KCNN2: variants seen among roughly 807,000 people sequenced by gnomAD.
KCNN2 encodes the protein potassium calcium-activated channel subfamily N member 2.
In KCNN2, 24 loss-of-function variants were observed where a neutral mutation model predicts 55.5. The observed-to-expected ratio is 0.43, with a 90% CI of 0.31 to 0.61. The LOEUF (loss-of-function observed/expected upper bound fraction) is 0.61, where lower values mean the gene tolerates loss of function less well. KCNN2 is among the 20% of genes least tolerant of loss of function. The pLI, the probability that KCNN2 is intolerant of heterozygous loss-of-function variation, is 0.08. For missense variants in KCNN2, 754 were observed against 853.6 expected (o/e 0.88, Z 1.45); for synonymous variants, 431 against 336.1 (o/e 1.28, Z -3.09).
At chr5:114,286,551 G>A (rs1280920829) in intron 2 of KCNN2, among the ~76,000 whole-genome samples, 1 of 152,138 alleles carries the variant, frequency 6.6e-6, no homozygotes, top group African/African-American at 2.4e-5. Flanking sequence ...TGGGACCAGT[G>A]CAAGAACAGT....
intron 2 of KCNN2, among the ~76,000 whole-genome samples, chr5:114,239,613 G>T (rs988170214): frequency 6.6e-6 from 1 of 151,880 alleles, no homozygotes; most frequent in Non-Finnish European, 1.5e-5. Context: ...GTCGTTTTTT[G>T]TTTTCAACTA....
At chr5:114,357,735 T>C (rs1197857291), upstream of KCNN2, among the ~76,000 whole-genome samples, 38 of 137,804 alleles carry the variant, frequency 2.8e-4, no homozygotes, top group African/African-American at 9.9e-4. Context: ...GTCTTTGCTA[T>C]TGTGAATAAT....
In KCNN2 at chr5:114,288,099, G is replaced by A. The variant is rs977826795; in HGVS notation, c.-185+66534G>A. Among the ~76,000 whole-genome samples, 6 of 152,224 alleles carry A rather than the reference G, an allele frequency of 3.9e-5. No individual in the cohort carries two copies. The East Asian group carries it at 5.8e-4, about 15-fold the overall frequency. On this transcript the variant is annotated intron_variant, in intron 2 of 10. Transcript: ENST00000512097. ...TTTCATACAAATGATGTTATACAAC[G>A]TGTGCTCTTTTGTGTCTGGCTTCCA...
At chr5:114,331,229 G>C (rs1756816634) in intron 2 of KCNN2, among the ~76,000 whole-genome samples, 1 of 152,202 alleles carries the variant, frequency 6.6e-6, no homozygotes, top group Non-Finnish European at 1.5e-5. Flanking sequence ...GAATGAAAGG[G>C]AAGTTTGAGA....
chr5:114,311,977 G>A (rs1312068245), intron 2 of KCNN2, among the ~76,000 whole-genome samples: 1 of 152,052 alleles, frequency 6.6e-6, no homozygotes, highest in Non-Finnish European at 1.5e-5. Context: ...TATTAATATG[G>A]AAAGAAAATC....
chr5:114,278,450 G>A (rs552516807), intron 2 of KCNN2, among the ~76,000 whole-genome samples: 4 of 152,328 alleles, frequency 2.6e-5, no homozygotes, highest in African/African-American at 9.6e-5. Context: ...ATGCCCTGCC[G>A]CCAGAGGTTG....
At chr5:114,366,748 T>A (rs1373754074) in intron 2 of KCNN2, among the ~76,000 whole-genome samples, 1 of 152,218 alleles carries the variant, frequency 6.6e-6, no homozygotes, top group Non-Finnish European at 1.5e-5. Context: ...TGGGTATATA[T>A]GTTTTTTCAT....
intron 1 of KCNN2, among the ~76,000 whole-genome samples, chr5:114,115,153 G>A (rs1466485119): frequency 1.3e-5 from 2 of 152,104 alleles, no homozygotes; most frequent in Admixed American, 6.5e-5. Context: ...AGTTCACTAA[G>A]CCTAGTGATT....
chr5:114,271,937 A>T (rs751185230), intron 2 of KCNN2, among the ~76,000 whole-genome samples: 17 of 152,314 alleles, frequency 1.1e-4, no homozygotes, highest in Non-Finnish European at 2.2e-4. Context: ...GCTAATGAGG[A>T]GTACATGAAT....
At chr5:114,222,327 C>A (rs1313428662) in intron 2 of KCNN2, among the ~76,000 whole-genome samples, 1 of 152,142 alleles carries the variant, frequency 6.6e-6, no homozygotes, top group African/African-American at 2.4e-5. Context: ...ATACCAAAGG[C>A]AGCCTCAAAG....
intron 1 of KCNN2, among the ~76,000 whole-genome samples, chr5:114,136,092 G>A (rs1752168388): frequency 6.6e-6 from 1 of 152,088 alleles, no homozygotes; most frequent in Non-Finnish European, 1.5e-5. Flanking sequence ...AAAAATAGAT[G>A]AAAATAGACT....
Position 114,130,305 on chromosome 5 carries a change from T to C in KCNN2, c.-271+73805T>C, listed in dbSNP as rs187625155. 4.3e-4 allele frequency among the ~76,000 whole-genome samples: 65 copies of C among 152,342 alleles called. 1 individual carries two copies. Among genetic ancestry groups the C allele is most frequent in the African/African-American group, 1.5e-3 (64 of 41,584 alleles). ...ATATTTCTCTAAGAGTAGGATGGTATATTTTCCTTAGCTTGCTTTCCAGTT... is the reference window on the plus strand; with the variant it reads ...ATATTTCTCTAAGAGTAGGATGGTACATTTTCCTTAGCTTGCTTTCCAGTT... On this transcript the variant is annotated intron_variant, in intron 1 of 10. Coordinates refer to the KCNN2 transcript ENST00000512097.
intron 2 of KCNN2, among the ~76,000 whole-genome samples, chr5:114,277,929 T>C (rs569997035): frequency 6.6e-6 from 1 of 152,350 alleles, no homozygotes; most frequent in South Asian, 2.1e-4. Flanking sequence ...TTCTGGTTTT[T>C]GGAATTTTCA....
rs762032728 is a variant in KCNN2 at position 114,463,154 on chromosome 5, C to T, written c.1743C>T (p.Tyr581=). The T allele has an allele frequency of 1.1e-5, 17 of 1,613,168 alleles. No individual in the cohort carries two copies. The South Asian group carries it at 1.9e-4, about 18-fold the overall frequency. The change falls in exon 4 of 8, where the codon TAC becomes TAT. Residue 581 remains tyrosine (Y), a synonymous_variant. Transcript: ENST00000673685. ...ATGGTGACATGGTACCTAACACATACTGTGGAAAAGGAGTCTGCTTACTTA... is the reference window on the plus strand; with the variant it reads ...ATGGTGACATGGTACCTAACACATATTGTGGAAAAGGAGTCTGCTTACTTA... ...IGYGDMVPNT[Y]CGKGVCLLTG... is the part of the protein sequence containing the mutation.
At chr5:114,322,869 A>G (rs1374693177) in intron 2 of KCNN2, among the ~76,000 whole-genome samples, 2 of 152,230 alleles carry the variant, frequency 1.3e-5, no homozygotes, top group Non-Finnish European at 2.9e-5. Flanking sequence ...AGGTAAACTC[A>G]TGTCACAGAA....
intron 1 of KCNN2, among the ~76,000 whole-genome samples, chr5:114,123,488 G>C (rs1245401395): frequency 9.0e-6 from 1 of 111,476 alleles, no homozygotes; most frequent in East Asian, 2.2e-4. Flanking sequence ...TCAGCCTCCC[G>C]CGTAGCTGGG....
intron 1 of KCNN2, 146 bp downstream of exon 1, chr5:114,363,407 G>A: frequency 9.6e-7 from 1 of 1,037,024 alleles, no homozygotes; most frequent in Non-Finnish European, 1.4e-6. Context: ...CGTCTAGGAC[G>A]CGCATCCGTA....
chr5:114,120,387 G>A (rs1751804036), intron 1 of KCNN2, among the ~76,000 whole-genome samples: 1 of 152,118 alleles, frequency 6.6e-6, no homozygotes, highest in Admixed American at 6.5e-5. Flanking sequence ...TCAGCGCTGA[G>A]GATCTTATTT....
chr5:114,227,761 C>A (rs1452076808), intron 2 of KCNN2, among the ~76,000 whole-genome samples: 1 of 152,118 alleles, frequency 6.6e-6, no homozygotes, highest in East Asian at 1.9e-4. Context: ...AGCCCATGTA[C>A]CCTTTCCTTA....
Sources: allele counts gnomAD v4.1 joint callset (sites outside exome capture counted in the v4.1 genomes callset), GRCh38; gene constraint gnomAD v4.1.1; transcripts MANE v1.5; gene names NCBI Gene and HGNC (gene_info 2026-07-23, HGNC 2026-07-21).